Variants in CHST11 observed in about 807,000 individuals in gnomAD.
CHST11 encodes carbohydrate sulfotransferase 11, also known as C4S-1.
CHST11 carries 9 observed loss-of-function variants against 30.4 expected under a neutral mutation model. That is an observed-to-expected ratio of 0.30 (90% confidence interval 0.18 to 0.52). CHST11 has a LOEUF of 0.52. Ranked by LOEUF, CHST11 falls within the 20% of genes least tolerant of loss-of-function variation. The probability of loss-of-function intolerance (pLI) is 0.97; values close to 1 mark genes in which losing one functional copy is unlikely to be tolerated. For missense variants in CHST11, 348 were observed against 460.6 expected (o/e 0.76, Z 2.24); for synonymous variants, 152 against 187.8 (o/e 0.81, Z 1.56).
intron 2 of CHST11, among the ~76,000 whole-genome samples, chr12:104,753,267 A>T (rs1402024288): frequency 2.6e-5 from 4 of 152,204 alleles, no homozygotes; most frequent in Admixed American, 6.5e-5. Context: ...GTTCTCATTC[A>T]TGTGTTGGTG....
chr12:104,687,382 T>C (rs2039856024), intron 2 of CHST11, among the ~76,000 whole-genome samples: 3 of 152,248 alleles, frequency 2.0e-5, no homozygotes, highest in Non-Finnish European at 4.4e-5. Flanking sequence ...TAACAATGGT[T>C]CTCATTTATT....
intron 2 of CHST11, among the ~76,000 whole-genome samples, chr12:104,645,307 GTACT>G (rs1245064636): frequency 1.3e-5 from 2 of 152,136 alleles, no homozygotes; most frequent in Non-Finnish European, 2.9e-5. Flanking sequence ...TCTGAGCCAG[GTACT>G]TGGCAATAAT....
intron 2 of CHST11, among the ~76,000 whole-genome samples, chr12:104,683,345 A>ATAG (rs1441306532): frequency 6.6e-6 from 1 of 152,220 alleles, no homozygotes; most frequent in Non-Finnish European, 1.5e-5. Context: ...TGTAGTCATC[A>ATAG]TAGGACCAGT....
intron 2 of CHST11, among the ~76,000 whole-genome samples, chr12:104,613,199 A>C (rs1261989040): frequency 7.0e-6 from 1 of 142,728 alleles, no homozygotes; most frequent in Admixed American, 7.3e-5. Flanking sequence ...ACCCTGTCTC[A>C]AAAAGAAAAA....
At chr12:104,654,548 A>G (rs1483372409) in intron 2 of CHST11, among the ~76,000 whole-genome samples, 1 of 152,146 alleles carries the variant, frequency 6.6e-6, no homozygotes, top group Non-Finnish European at 1.5e-5. Context: ...GGTAATACAC[A>G]GCACAGAGTG....
At chr12:104,692,825 G>A (rs2039908814) in intron 2 of CHST11, among the ~76,000 whole-genome samples, 1 of 151,664 alleles carries the variant, frequency 6.6e-6, no homozygotes, top group Non-Finnish European at 1.5e-5. Context: ...GATCTGAGGT[G>A]GAACAGTTTC....
At chr12:104,624,319 G>A (rs1208775156) in intron 2 of CHST11, among the ~76,000 whole-genome samples, 1 of 152,220 alleles carries the variant, frequency 6.6e-6, no homozygotes, top group Non-Finnish European at 1.5e-5. Context: ...AAGGAAGACA[G>A]GGATGGAAGG....
chr12:104,514,620 G>A (rs1234156318), intron 1 of CHST11, among the ~76,000 whole-genome samples: 1 of 152,146 alleles, frequency 6.6e-6, no homozygotes, highest in Non-Finnish European at 1.5e-5. Context: ...TCTTGGTGAG[G>A]GCTTCAGGAA....
chr12:104,681,825 C>CTTTTTT (rs149441295), intron 2 of CHST11, among the ~76,000 whole-genome samples: 79 of 85,068 alleles, frequency 9.3e-4, no homozygotes, highest in Middle Eastern at 0.01. Context: ...GTCTGTTTTG[C>CTTTTTT]TTTTTTTTTT....
At chr12:104,519,883 A>C (rs1224234226) in intron 1 of CHST11, among the ~76,000 whole-genome samples, 1 of 152,116 alleles carries the variant, frequency 6.6e-6, no homozygotes, top group African/African-American at 2.4e-5. Context: ...AAGCCTTCAC[A>C]GTTGGTTTTG....
chr12:104,521,678 C>T (rs549242407), intron 1 of CHST11, among the ~76,000 whole-genome samples: 1 of 152,242 alleles, frequency 6.6e-6, no homozygotes, highest in South Asian at 2.1e-4. Flanking sequence ...ATGGAGGTGT[C>T]CTGCGTAACG....
chr12:104,494,554 C>T lies in CHST11; in HGVS notation c.118+37025C>T, dbSNP rs577470996. Among the ~76,000 whole-genome samples the T allele has an allele frequency of 5.9e-5, 9 of 152,332 alleles. No homozygotes were observed. In the South Asian group the frequency reaches 1.9e-3, roughly 32 times the overall value. ...GTCAGAATATTCCTTTTAAAGTTAA[C>T]TTCACAAAACTTCTCTGATCTTGAT... On this transcript the variant is annotated intron_variant, in intron 1 of 2. Transcript: ENST00000303694.
chr12:104,687,580 G>C (rs1228753800), intron 2 of CHST11, among the ~76,000 whole-genome samples: 5 of 152,202 alleles, frequency 3.3e-5, no homozygotes, highest in Non-Finnish European at 7.3e-5. Flanking sequence ...TTGATTCCAG[G>C]GTAGTCTTTA....
intron 2 of CHST11, among the ~76,000 whole-genome samples, chr12:104,711,619 A>G (rs183971168): frequency 4.6e-4 from 70 of 152,328 alleles, no homozygotes; most frequent in Non-Finnish European, 6.6e-4. Flanking sequence ...ATGTGCACTG[A>G]CATTTTTTTA....
chr12:104,472,141 C>CT (rs554866671), intron 1 of CHST11, among the ~76,000 whole-genome samples: 221 of 139,438 alleles, frequency 1.6e-3, no homozygotes, highest in Middle Eastern at 3.8e-3. Context: ...TTTTTTTTTT[C>CT]TTTTTTTTTT....
intron 2 of CHST11, among the ~76,000 whole-genome samples, chr12:104,657,975 G>A (rs1439407767): frequency 6.6e-6 from 1 of 152,198 alleles, no homozygotes; most frequent in African/African-American, 2.4e-5. Context: ...GAAACAGAGT[G>A]AGCAGTGTTC....
intron 2 of CHST11, among the ~76,000 whole-genome samples, chr12:104,732,078 G>A (rs929296232): frequency 4.6e-5 from 7 of 152,262 alleles, no homozygotes; most frequent in Non-Finnish European, 8.8e-5. Context: ...GGTCCCTCCA[G>A]GGAAGAGGAT....
intron 2 of CHST11, among the ~76,000 whole-genome samples, chr12:104,709,430 ACTGTC>A (rs2040065448): frequency 6.6e-6 from 1 of 152,206 alleles, no homozygotes; most frequent in South Asian, 2.1e-4. Flanking sequence ...AGGGACAGGC[ACTGTC>A]CTCATAGTGA....
chr12:104,524,664 A>G (rs1446100858), intron 1 of CHST11, among the ~76,000 whole-genome samples: 1 of 151,902 alleles, frequency 6.6e-6, no homozygotes, highest in African/African-American at 2.4e-5. Context: ...CCATCCATCC[A>G]TCCATCCACC....
Sources: gnomAD v4.1 joint callset for allele counts (sites outside exome capture counted in the v4.1 genomes callset) on GRCh38, gnomAD v4.1.1 for gene constraint, MANE v1.5 for transcripts, NCBI Gene and HGNC (gene_info 2026-07-23, HGNC 2026-07-21) for gene names.